The following HS6ST3 variants were observed in gnomAD, a reference collection of about 807,000 sequenced individuals.
HS6ST3 encodes the protein heparan sulfate 6-O-sulfotransferase 3.
A neutral mutation model predicts 36.7 loss-of-function variants in HS6ST3; 12 were observed. That is an observed-to-expected ratio of 0.33 (90% CI 0.21 to 0.53). The LOEUF is 0.53. HS6ST3 is among the 20% of genes least tolerant of loss of function. The pLI is 0.95. For synonymous variants in HS6ST3, 240 were observed against 257.5 expected (o/e 0.93, Z 0.65); for missense variants, 584 against 640.9 (o/e 0.91, Z 0.96).
chr13:96,338,481 C>T (rs2139424766), intron 1 of HS6ST3, among the ~76,000 whole-genome samples: 1 of 152,328 alleles, frequency 6.6e-6, no homozygotes, highest in African/African-American at 2.4e-5. Flanking sequence ...CCATTCTCTG[C>T]TGGAGCATGA....
chr13:96,112,782 A>AAACT (rs2053876996), intron 1 of HS6ST3, among the ~76,000 whole-genome samples: 1 of 149,782 alleles, frequency 6.7e-6, no homozygotes, highest in African/African-American at 2.5e-5. Flanking sequence ...ACAAACAAAC[A>AAACT]GTGAAACATG....
chr13:96,158,963 A>G (rs528966681), intron 1 of HS6ST3, among the ~76,000 whole-genome samples: 1 of 152,332 alleles, frequency 6.6e-6, no homozygotes, highest in South Asian at 2.1e-4. Flanking sequence ...ACTGTCACTT[A>G]GTGAATCCTT....
intron 1 of HS6ST3, among the ~76,000 whole-genome samples, chr13:96,387,584 C>T (rs1440931353): frequency 1.3e-5 from 2 of 152,058 alleles, no homozygotes; most frequent in Non-Finnish European, 2.9e-5. Context: ...GAACAGAATC[C>T]AGTGGAGAGG....
chr13:96,632,090 C>A (rs145506663), intron 1 of HS6ST3, among the ~76,000 whole-genome samples: 23 of 152,274 alleles, frequency 1.5e-4, no homozygotes, highest in African/African-American at 4.8e-4. Flanking sequence ...GAGAGCTCCA[C>A]CCTCCTGGGT....
intron 1 of HS6ST3, among the ~76,000 whole-genome samples, chr13:96,447,054 G>A (rs1025186850): frequency 2.0e-5 from 3 of 151,900 alleles, no homozygotes; most frequent in Admixed American, 6.6e-5. Context: ...CCAATATCAC[G>A]TATCACCCTG....
intron 1 of HS6ST3, among the ~76,000 whole-genome samples, chr13:96,753,593 T>C (rs1374968580): frequency 1.3e-5 from 2 of 152,336 alleles, no homozygotes; most frequent in East Asian, 1.9e-4. Flanking sequence ...ATAATATCTC[T>C]GTTAATTATT....
rs188667155 is a variant in HS6ST3, at chr13:96,584,021, C to T, written c.708-248469C>T. Among the ~76,000 whole-genome samples, 850 of 152,290 alleles carry T rather than the reference C, an allele frequency of 5.6e-3. 5 individuals carry two copies. Among genetic ancestry groups the T allele is most frequent in the Non-Finnish European group, 8.9e-3 (602 of 68,018 alleles). On this transcript the variant is annotated intron_variant, in intron 1 of 1. Transcript: ENST00000376705. ...AATCCCTGGTTGAGAATCGCTAAAG[C>T]AAACAGCCCCCTTCCATTTTATTTC...
At chr13:96,773,544 G>A (rs984899209) in intron 1 of HS6ST3, among the ~76,000 whole-genome samples, 13 of 152,196 alleles carry the variant, frequency 8.5e-5, no homozygotes, top group Admixed American at 3.9e-4. Context: ...CCCTCACAGT[G>A]TAAACAAGGC....
At chr13:96,667,094 A>T (rs2056666530) in intron 1 of HS6ST3, among the ~76,000 whole-genome samples, 1 of 152,198 alleles carries the variant, frequency 6.6e-6, no homozygotes, top group Non-Finnish European at 1.5e-5. Context: ...ATAAAATAGT[A>T]TGACTACAGA....
intron 1 of HS6ST3, among the ~76,000 whole-genome samples, chr13:96,804,416 T>A (rs1444017498): frequency 1.3e-5 from 2 of 152,132 alleles, no homozygotes; most frequent in Non-Finnish European, 2.9e-5. Context: ...TATAAAGTTA[T>A]TCTGATTACA....
intron 1 of HS6ST3, among the ~76,000 whole-genome samples, chr13:96,809,846 G>A (rs1175814758): frequency 6.6e-6 from 1 of 152,188 alleles, no homozygotes; most frequent in African/African-American, 2.4e-5. Context: ...GAAAGGTGAA[G>A]ATAATGACAC....
intron 1 of HS6ST3, among the ~76,000 whole-genome samples, chr13:96,822,154 G>A (rs985381472): frequency 2.0e-5 from 3 of 152,164 alleles, no homozygotes; most frequent in African/African-American, 7.2e-5. Context: ...GCTTTGCCCG[G>A]CTGGGATTAG....
At chr13:96,706,150 T>A (rs1280854483) in intron 1 of HS6ST3, among the ~76,000 whole-genome samples, 1 of 152,032 alleles carries the variant, frequency 6.6e-6, no homozygotes, top group Non-Finnish European at 1.5e-5. Flanking sequence ...TCTTATTTTT[T>A]AAGATACATC....
At chr13:96,452,681 A>G (rs1042909124) in intron 1 of HS6ST3, among the ~76,000 whole-genome samples, 1 of 152,144 alleles carries the variant, frequency 6.6e-6, no homozygotes, top group Non-Finnish European at 1.5e-5. Context: ...GGCTGCTCCC[A>G]GGTCTTGGAG....
chr13:96,608,739 A>G (rs2056447363), intron 1 of HS6ST3, among the ~76,000 whole-genome samples: 2 of 152,330 alleles, frequency 1.3e-5, no homozygotes, highest in African/African-American at 4.8e-5. Flanking sequence ...TTGGAGTGAT[A>G]AAGCTATTTT....
At chr13:96,615,745 G>T (rs1403604299) in intron 1 of HS6ST3, among the ~76,000 whole-genome samples, 1 of 152,184 alleles carries the variant, frequency 6.6e-6, no homozygotes, top group Non-Finnish European at 1.5e-5. Flanking sequence ...GTGACACAAA[G>T]TGCATATGGA....
At chr13:96,141,328 A>C in intron 1 of HS6ST3, among the ~76,000 whole-genome samples, 1 of 152,040 alleles carries the variant, frequency 6.6e-6, no homozygotes, top group South Asian at 2.1e-4. Context: ...GTCAGAAAGT[A>C]TCTTGCCAGT....
At position 96,278,749 on chromosome 13, in the gene HS6ST3, TG is replaced by T. The variant is rs1289629490; in HGVS notation, c.707+187181del. 1.4e-4 allele frequency among the ~76,000 whole-genome samples: 21 copies of T among 152,282 alleles called. No individual in the cohort carries two copies. The East Asian group carries it at 4.1e-3, about 29-fold the overall frequency. Reference sequence around the variant, plus strand: ...ATGTTTTCTTAAAAAATAACTACAATGATATAAGTAATGGGTTATCTAACCT... The same window carrying T: ...ATGTTTTCTTAAAAAATAACTACAATATATAAGTAATGGGTTATCTAACCT... On this transcript the variant is annotated intron_variant, in intron 1 of 1. Coordinates refer to ENST00000376705, the MANE Select transcript of HS6ST3 (RefSeq NM_153456.4).
intron 1 of HS6ST3, among the ~76,000 whole-genome samples, chr13:96,140,504 C>A (rs1010113999): frequency 6.6e-6 from 1 of 152,164 alleles, no homozygotes; most frequent in Non-Finnish European, 1.5e-5. Flanking sequence ...AATGTAATGG[C>A]ACTAGTGATG....
Sources: allele counts gnomAD v4.1 joint callset (sites outside exome capture counted in the v4.1 genomes callset), GRCh38; gene constraint gnomAD v4.1.1; transcripts MANE v1.5; gene names NCBI Gene and HGNC (gene_info 2026-07-23, HGNC 2026-07-21).